Variants in LY6G6C observed in about 807,000 individuals in gnomAD.
LY6G6C encodes the protein lymphocyte antigen 6 family member G6C.
In LY6G6C, 12 loss-of-function variants were observed where a neutral mutation model predicts 12.8. The ratio of observed to expected loss-of-function variants is 0.94; its 90% confidence interval spans 0.60 to 1.52. The LOEUF is 1.52. Ranked by LOEUF, LY6G6C falls within the 40% of genes most tolerant of loss-of-function variation. The probability of loss-of-function intolerance (pLI) is 0.00; values close to 1 mark genes in which losing one functional copy is unlikely to be tolerated. For synonymous variants in LY6G6C, 42 were observed against 61.6 expected (o/e 0.68, Z 1.49); for missense variants, 125 against 155.8 (o/e 0.80, Z 1.05).
rs1314780649 is a variant in LY6G6C, at chr6:31,720,537, G to T, written c.53-334C>A. On this transcript the variant is annotated intron_variant, in intron 1 of 2. Coordinates refer to ENST00000375819, the MANE Select transcript of LY6G6C (RefSeq NM_025261.3). This position sits in a 1 kb window ranked among gnomAD's most constrained non-coding sequence, Gnocchi z 4.9. ...TGGAATGTGAGGAAGATACCATGGGGAAAGAATGTGGATGGTGAAGGAGGA... is the reference window on the plus strand; with the variant it reads ...TGGAATGTGAGGAAGATACCATGGGTAAAGAATGTGGATGGTGAAGGAGGA... Among the ~76,000 whole-genome samples the T allele has an allele frequency of 6.6e-6, 1 of 152,168 alleles. No individual in the cohort carries two copies. Among genetic ancestry groups the T allele is most frequent in the Non-Finnish European group, 1.5e-5 (1 of 68,020 alleles).
rs201509607 is a variant in LY6G6C at position 31,719,119 on chromosome 6, G to C, written c.355C>G (p.Leu119Val). ...TCTCAGTGCAGCAGCCAGAGGCCAAGGCCAGCCAAGGAGGTAAGGAAGACA... is the reference window on the plus strand; with the variant it reads ...TCTCAGTGCAGCAGCCAGAGGCCAACGCCAGCCAAGGAGGTAAGGAAGACA... ...GLVFLTSLAG[L>V]GLWLLH The change falls in exon 3 of 3, where the codon CTT (leucine) becomes GTT (valine). Residue 119 changes from leucine to valine, a missense_variant. Coordinates refer to ENST00000375819, the MANE Select transcript of LY6G6C (RefSeq NM_025261.3). The C allele has an allele frequency of 6.2e-7, 1 of 1,613,982 alleles. No individual in the cohort carries two copies. Among genetic ancestry groups the C allele is most frequent in the East Asian group, 2.2e-5 (1 of 44,890 alleles).
Position 31,720,151 on chromosome 6 carries a change from G to C in LY6G6C, c.105C>G (p.Asp35Glu), listed in dbSNP as rs201393795. The C allele has an allele frequency of 8.1e-6, 13 of 1,612,962 alleles. No individual in the cohort carries two copies. Among genetic ancestry groups the C allele is most frequent in the Non-Finnish European group, 1.0e-5 (12 of 1,179,984 alleles). ...CYKVPVLGCV[D>E]RQSCRLEPGQ... ...CTGGCTCCAGGCGGCAGGACTGCCG[G>C]TCCACACAGCCCAGCACAGGGACCT... is the stretch of plus-strand genomic sequence containing the variant. The change falls in exon 2 of 3, where the codon GAC (aspartate) becomes GAG (glutamate). Residue 35 changes from aspartate to glutamate, a missense_variant. Physicochemically the swap from Asp to Glu is conservative, Grantham distance 45. Coordinates refer to ENST00000375819, the MANE Select transcript of LY6G6C (RefSeq NM_025261.3). The surrounding 1 kb of genome is among the most constrained non-coding windows in gnomAD (Gnocchi z 4.9).
In LY6G6C at chr6:31,719,074, G is replaced by C. The variant is rs980338971; in HGVS notation, c.*22C>G. 1 of 1,601,670 alleles carries C rather than the reference G, an allele frequency of 6.2e-7. No individual in the cohort carries two copies. The highest frequency in any genetic ancestry group is 1.1e-5 in the South Asian group (1 of 90,720). On this transcript the variant is annotated 3_prime_UTR_variant, in exon 3 of 3. Transcript: ENST00000375819. ...GCTCAGGCCAAGGCAGGTGGGAGGAGGGGCAGCCAATGGAATGAGTCTCAG... is the reference window on the plus strand; with the variant it reads ...GCTCAGGCCAAGGCAGGTGGGAGGACGGGCAGCCAATGGAATGAGTCTCAG...
In LY6G6C at chr6:31,719,033, A is replaced by T; in HGVS notation, c.*63T>A. On this transcript the variant is annotated 3_prime_UTR_variant, in exon 3 of 3. Coordinates refer to ENST00000375819, the MANE Select transcript of LY6G6C (RefSeq NM_025261.3). ...GATTCTGTAAAGCCAGGGGATACAG[A>T]GACACAGGGAGAGAGGCTCAGGCCA... 7.3e-7 allele frequency: 1 copy of T among 1,374,694 alleles called. No individual in the cohort carries two copies. The highest frequency in any genetic ancestry group is 1.0e-6 in the Non-Finnish European group (1 of 972,564). 85.2% of individuals were successfully genotyped at this position (1,374,694 alleles called of 1,614,324 possible).
rs1562166689 is a variant in LY6G6C at position 31,721,649 on chromosome 6, C to G, written c.31G>C (p.Val11Leu). ...TCACCTGAGACCCAGCAGAGCAGAA[C>G]AGACAGGGTGAGCAGCATAAGGGCT... The part of the protein sequence containing the change: MKALMLLTLS[V>L]LLCWVSADIR... Residue 11 changes from valine (V) to leucine (L), a missense_variant, in exon 1 of 3, where the codon GTT becomes CTT. By Grantham distance (32) the Val-to-Leu change is conservative. Transcript: ENST00000375819. 6.2e-7 allele frequency: 1 copy of G among 1,614,008 alleles called. No individual in the cohort carries two copies. Among genetic ancestry groups the G allele is most frequent in the Non-Finnish European group, 8.5e-7 (1 of 1,179,948 alleles).
rs1002799794 is a variant in LY6G6C, at chr6:31,720,944, T to C, written c.52+684A>G. On this transcript the variant is annotated intron_variant, in intron 1 of 2. Transcript: ENST00000375819. The surrounding 1 kb of genome is among the most constrained non-coding windows in gnomAD (Gnocchi z 4.9). ...AGGGTCCGAGGGTGGAAGAGCCTGG[T>C]AAGTGTACCTCAGTGAAATCCACTT... The C allele has an allele frequency of 6.6e-6, 1 of 152,278 alleles. No individual in the cohort carries two copies. The highest frequency in any genetic ancestry group is 1.5e-5 in the Non-Finnish European group (1 of 68,082). The allele number at this position is 152,278 out of a possible 1,614,324, so 9.4% of individuals were successfully genotyped here.
rs1806632893 is a variant in LY6G6C, at chr6:31,719,032, G to A, written c.*64C>T. On this transcript the variant is annotated 3_prime_UTR_variant, in exon 3 of 3. Transcript: ENST00000375819. Reference sequence around the variant, plus strand: ...CGATTCTGTAAAGCCAGGGGATACAGAGACACAGGGAGAGAGGCTCAGGCC... The same window carrying A: ...CGATTCTGTAAAGCCAGGGGATACAAAGACACAGGGAGAGAGGCTCAGGCC... 1 of 1,371,190 alleles carries A rather than the reference G, an allele frequency of 7.3e-7. No individual in the cohort carries two copies. Among genetic ancestry groups the A allele is most frequent in the African/African-American group, 1.4e-5 (1 of 69,874 alleles). 84.9% of individuals were successfully genotyped at this position (1,371,190 alleles called of 1,614,324 possible).
rs1428571038 is a variant in LY6G6C, at chr6:31,719,006, A to T, written c.*90T>A. The T allele has an allele frequency of 7.3e-6, 8 of 1,102,626 alleles. No homozygotes were observed. In the Admixed American group the frequency reaches 1.2e-4, roughly 16 times the overall value. 68.3% of individuals were successfully genotyped at this position (1,102,626 alleles called of 1,614,324 possible). On this transcript the variant is annotated 3_prime_UTR_variant, in exon 3 of 3. Coordinates refer to ENST00000375819, the MANE Select transcript of LY6G6C (RefSeq NM_025261.3). Reference sequence around the variant, plus strand: ...TTAAAGAAATGGGAGCTAGGGAGAGACGATTCTGTAAAGCCAGGGGATACA... The same window carrying T: ...TTAAAGAAATGGGAGCTAGGGAGAGTCGATTCTGTAAAGCCAGGGGATACA...
At chr6:31,719,720 A>G (rs1806682754) in intron 2 of LY6G6C, among the ~76,000 whole-genome samples, 1 of 152,042 alleles carries the variant, frequency 6.6e-6, no homozygotes, top group Non-Finnish European at 1.5e-5. Context: ...TATATTTAGT[A>G]GAAATGGGGT....
chr6:31,721,698 G>C lies in LY6G6C; in HGVS notation c.-19C>G. 2 of 1,613,720 alleles carry C rather than the reference G, an allele frequency of 1.2e-6. No individual in the cohort carries two copies. The highest frequency in any genetic ancestry group is 1.1e-5 in the South Asian group (1 of 91,052). ...CTTTCATGGCGAGGGTCCTGAGAATGGTGGCAACCACAGCAGCTGATAGAG... is the reference window on the plus strand; with the variant it reads ...CTTTCATGGCGAGGGTCCTGAGAATCGTGGCAACCACAGCAGCTGATAGAG... On this transcript the variant is annotated 5_prime_UTR_variant, in exon 1 of 3. Coordinates refer to ENST00000375819, the MANE Select transcript of LY6G6C (RefSeq NM_025261.3).
rs1478767513 is a variant in LY6G6C, at chr6:31,718,738, G to A, written c.*358C>T. On this transcript the variant is annotated 3_prime_UTR_variant, in exon 3 of 3. Coordinates refer to ENST00000375819, the MANE Select transcript of LY6G6C (RefSeq NM_025261.3). ...AGCCTGGGTTTGGGGAGTCAGCTCT[G>A]TACAGTGAGGTCATCAGGTCCTTGT... 1 of 378,366 alleles carries A rather than the reference G, an allele frequency of 2.6e-6. No homozygotes were observed. The highest frequency in any genetic ancestry group is 2.0e-5 in the African/African-American group (1 of 50,412). The allele number at this position is 378,366 out of a possible 1,614,324, so 23.4% of individuals were successfully genotyped here.
Position 31,720,739 on chromosome 6 carries a change from C to T in LY6G6C, c.53-536G>A, listed in dbSNP as rs1186320599. Among the ~76,000 whole-genome samples the T allele has an allele frequency of 6.6e-6, 1 of 152,126 alleles. No individual in the cohort carries two copies. Among genetic ancestry groups the T allele is most frequent in the Non-Finnish European group, 1.5e-5 (1 of 68,018 alleles). ...CAAGAGTGTGGCAAGAGGAACCAGA[C>T]CTGAATAGAATCCTCTCACCCCAGT... On this transcript the variant is annotated intron_variant, in intron 1 of 2. Transcript: ENST00000375819. This position sits in a 1 kb window ranked among gnomAD's most constrained non-coding sequence, Gnocchi z 4.9.
At chr6:31,719,565 G>T (rs886183373) in intron 2 of LY6G6C, among the ~76,000 whole-genome samples, 7 of 152,074 alleles carry the variant, frequency 4.6e-5, no homozygotes, top group African/African-American at 1.7e-4. Flanking sequence ...CCAAGACAGA[G>T]TCTCACTCTC....
intron 2 of LY6G6C, among the ~76,000 whole-genome samples, chr6:31,719,752 G>A (rs978160111): frequency 2.6e-5 from 4 of 152,072 alleles, no homozygotes; most frequent in Admixed American, 2.6e-4. Context: ...GGCCAGGCTG[G>A]TCTTGAACTC....
intron 1 of LY6G6C, 146 bp downstream of exon 1, chr6:31,721,482 C>G: frequency 1.6e-6 from 1 of 624,194 alleles, no homozygotes; most frequent in Non-Finnish European, 2.8e-6. Context: ...ATAGGGAAGC[C>G]TGGTCTTGGT....
chr6:31,719,238 G>A lies in LY6G6C; in HGVS notation c.236C>T (p.Thr79Ile). Residue 79 changes from threonine to isoleucine, a missense_variant, in exon 3 of 3, where the codon ACC (threonine) becomes ATC (isoleucine). Coordinates refer to ENST00000375819, the MANE Select transcript of LY6G6C (RefSeq NM_025261.3). ...ATATGTCAGACCCAGCTTGCGGTTG[G>A]TTTGGTTGAAGGCCTCCTGACAGGG... ...EEPCQEAFNQ[T>I]NRKLGLTYNT... The A allele has an allele frequency of 6.2e-7, 1 of 1,614,206 alleles. No homozygotes were observed.
In LY6G6C at chr6:31,719,167, G is replaced by A. The variant is rs376715837; in HGVS notation, c.307C>T (p.Arg103Trp). Reference protein sequence around the residue: ...NKDNCNSAGPRPTPALGLVFL... With the variant: ...NKDNCNSAGPWPTPALGLVFL... ...ACAAGGCCCAGGGCTGGAGTGGGCC[G>A]GGGTCCTGCGCTGTTGCAGTTGTCC... is the stretch of plus-strand genomic sequence containing the variant. The change falls in exon 3 of 3, where the codon CGG (arginine) becomes TGG (tryptophan). Residue 103 changes from arginine (R) to tryptophan (W), a missense_variant. Coordinates refer to ENST00000375819, the MANE Select transcript of LY6G6C (RefSeq NM_025261.3). 78 of 1,614,034 alleles carry A rather than the reference G, an allele frequency of 4.8e-5. No individual in the cohort carries two copies. Among genetic ancestry groups the A allele is most frequent in the Non-Finnish European group, 6.3e-5 (74 of 1,180,006 alleles).
At chr6:31,721,483 TG>T in intron 1 of LY6G6C, 144 bp downstream of exon 1, 1 of 628,148 alleles carries the variant, frequency 1.6e-6, no homozygotes, top group Non-Finnish European at 2.8e-6. Flanking sequence ...TAGGGAAGCC[TG>T]GTCTTGGTGG....
In LY6G6C at chr6:31,720,982, A is replaced by C. The variant is rs1806742081; in HGVS notation, c.52+646T>G. 6.6e-6 allele frequency: 1 copy of C among 152,332 alleles called. No homozygotes were observed. Among genetic ancestry groups the C allele is most frequent in the Non-Finnish European group, 1.5e-5 (1 of 68,122 alleles). The allele number at this position is 152,332 out of a possible 1,614,324, so 9.4% of individuals were successfully genotyped here. A position where few individuals can be genotyped will look rare whatever the true frequency, so the allele number is the denominator to read the frequency against. On this transcript the variant is annotated intron_variant, in intron 1 of 2. Coordinates refer to ENST00000375819, the MANE Select transcript of LY6G6C (RefSeq NM_025261.3). The surrounding 1 kb of genome is among the most constrained non-coding windows in gnomAD (Gnocchi z 4.9). ...GTGAAATCCACTTCACCCTGGAGGT[A>C]AGTGGCCCAGTTGTCCCCTCTTCAG... is the stretch of plus-strand genomic sequence containing the variant.
Sources: allele counts gnomAD v4.1 joint callset (sites outside exome capture counted in the v4.1 genomes callset), GRCh38; gene constraint gnomAD v4.1.1; non-coding constraint Gnocchi (gnomAD v3.1); transcripts MANE v1.5; gene names NCBI Gene and HGNC (gene_info 2026-07-23, HGNC 2026-07-21).